The following PDE4D variants were observed in gnomAD, a reference collection of about 807,000 sequenced individuals.
PDE4D encodes 3',5'-cyclic-AMP phosphodiesterase 4D.
A neutral mutation model predicts 87.4 loss-of-function variants in PDE4D; 24 were observed. That is an observed-to-expected ratio of 0.27 (90% CI 0.20 to 0.39). PDE4D has a LOEUF of 0.39. Ranked by LOEUF, PDE4D falls within the 10% of genes least tolerant of loss-of-function variation. PDE4D has a pLI of 1.00. For missense variants in PDE4D, 714 were observed against 1,041.0 expected, an observed-to-expected ratio of 0.69 and a Z score of 4.32; for synonymous variants, 384 against 383.2, an observed-to-expected ratio of 1.00 and a Z score of -0.02.
chr5:58,990,891 A>C lies in PDE4D; in HGVS notation c.1200T>G (p.Asp400Glu), dbSNP rs769291366. ...QEDVLAKELE[D>E]VNKWGLHVFR... is the part of the protein sequence containing the mutation. Reference sequence around the variant, plus strand: ...AAACATGAAGACCCCATTTGTTCACATCTTCTAGTTCCTGGAGTGAAAAAA... The same window carrying C: ...AAACATGAAGACCCCATTTGTTCACCTCTTCTAGTTCCTGGAGTGAAAAAA... The change falls in exon 9 of 15, where the codon GAT (aspartate) becomes GAG (glutamate). Residue 400 changes from aspartate (D) to glutamate (E), a missense_variant. Coordinates refer to ENST00000340635, the MANE Select transcript of PDE4D (RefSeq NM_001104631.2). The C allele has an allele frequency of 6.3e-7, 1 of 1,582,144 alleles. No homozygotes were observed. The highest frequency in any genetic ancestry group is 8.6e-7 in the Non-Finnish European group (1 of 1,157,708).
intron 1 of PDE4D, among the ~76,000 whole-genome samples, chr5:59,725,108 C>A (rs1185203213): frequency 6.6e-6 from 1 of 152,024 alleles, no homozygotes; most frequent in African/African-American, 2.4e-5. Flanking sequence ...CATTCCCCAC[C>A]ATCTCCATTG....
intron 2 of PDE4D, among the ~76,000 whole-genome samples, chr5:60,077,915 C>T (rs1773494902): frequency 6.6e-6 from 1 of 152,146 alleles, no homozygotes; most frequent in Admixed American, 6.5e-5. Flanking sequence ...GGAACCGGTC[C>T]TGGTGTGCAC....
In PDE4D at chr5:59,703,318, A is replaced by C. The variant is rs553353267; in HGVS notation, c.455+189850T>G. Among the ~76,000 whole-genome samples, 6 of 152,294 alleles carry C rather than the reference A, an allele frequency of 3.9e-5. No homozygotes were observed. In the South Asian group the frequency reaches 1.0e-3, roughly 26 times the overall value. On this transcript the variant is annotated intron_variant, in intron 1 of 14. Transcript: ENST00000340635. The stretch of plus-strand genomic sequence containing the variant: ...ACTTCAGCCTTGAGGTACAACTATC[A>C]ATAAAAGAAACAGGTCTTATTTTTA...
intron 1 of PDE4D, among the ~76,000 whole-genome samples, chr5:59,300,843 G>A (rs570558024): frequency 5.3e-5 from 8 of 152,068 alleles, no homozygotes; most frequent in African/African-American, 1.7e-4. Flanking sequence ...GCTTCTAACC[G>A]GCCACCTCCA....
At chr5:59,562,924 C>T (rs1291579011) in intron 1 of PDE4D, among the ~76,000 whole-genome samples, 1 of 152,124 alleles carries the variant, frequency 6.6e-6, no homozygotes, top group Admixed American at 6.6e-5. Context: ...CCTGGCTTAA[C>T]CATTCTGTAA....
At chr5:60,028,519 A>G (rs1056913967) in intron 2 of PDE4D, among the ~76,000 whole-genome samples, 1 of 151,986 alleles carries the variant, frequency 6.6e-6, no homozygotes, top group African/African-American at 2.4e-5. Context: ...CAACATATCC[A>G]CCAATAAATC....
chr5:60,013,126 G>C (rs943294549), intron 2 of PDE4D, among the ~76,000 whole-genome samples: 2 of 151,980 alleles, frequency 1.3e-5, no homozygotes, highest in Non-Finnish European at 2.9e-5. Context: ...CCCTGACTCC[G>C]CTTTTTTGGA....
chr5:59,745,378 T>C (rs566812939), intron 1 of PDE4D, among the ~76,000 whole-genome samples: 26 of 152,328 alleles, frequency 1.7e-4, no homozygotes, highest in African/African-American at 6.3e-4. Flanking sequence ...TCTCTTCAAA[T>C]TGACGCTATG....
At chr5:59,712,643 T>A (rs1754381244) in intron 1 of PDE4D, among the ~76,000 whole-genome samples, 1 of 150,202 alleles carries the variant, frequency 6.7e-6, no homozygotes, top group African/African-American at 2.4e-5. Context: ...AAAAATATAA[T>A]AATTATAATA....
chr5:59,027,675 T>TA (rs1756491731), intron 6 of PDE4D, among the ~76,000 whole-genome samples: 1 of 152,206 alleles, frequency 6.6e-6, no homozygotes, highest in African/African-American at 2.4e-5. Flanking sequence ...CTCTTCAGTA[T>TA]ATTCCCACGG....
intron 1 of PDE4D, among the ~76,000 whole-genome samples, chr5:60,434,189 T>G (rs980994826): frequency 6.6e-6 from 1 of 152,204 alleles, no homozygotes; most frequent in Admixed American, 6.5e-5. Context: ...GGATTTGCTA[T>G]GCAGACAAGA....
chr5:60,290,712 G>T (rs1752817578), intron 1 of PDE4D, among the ~76,000 whole-genome samples: 1 of 152,116 alleles, frequency 6.6e-6, no homozygotes, highest in South Asian at 2.1e-4. Context: ...GGCTGAGGTG[G>T]GAGAATCACC....
rs10805513 is a variant in PDE4D, at chr5:59,232,669, G to T, written c.456-16701C>A. Among the ~76,000 whole-genome samples, 5,783 of 152,066 alleles carry T rather than the reference G, an allele frequency of 0.038. 843 individuals carry two copies. The East Asian group carries it at 0.52, about 14-fold the overall frequency. ...TACAATCCAGCAATCCCCCTACTGG[G>T]TGTTTATCTAAAGGAAAGGAAAGGA... On this transcript the variant is annotated intron_variant, in intron 1 of 14. Coordinates refer to ENST00000340635, the MANE Select transcript of PDE4D (RefSeq NM_001104631.2).
chr5:60,236,197 C>G (rs551510764), intron 1 of PDE4D, among the ~76,000 whole-genome samples: 31 of 151,848 alleles, frequency 2.0e-4, no homozygotes, highest in Non-Finnish European at 4.1e-4. Context: ...AGTTCTTATA[C>G]AGAATGACAA....
At chr5:60,188,857 C>T (rs1290454834) in intron 1 of PDE4D, among the ~76,000 whole-genome samples, 1 of 152,194 alleles carries the variant, frequency 6.6e-6, no homozygotes. Context: ...TTTTTGTCTA[C>T]TCTTCCATAG....
intron 1 of PDE4D, among the ~76,000 whole-genome samples, chr5:59,757,087 C>T (rs79927137): frequency 0.019 from 2,961 of 152,158 alleles, 34 homozygotes; most frequent in Non-Finnish European, 0.03. Flanking sequence ...CATGAACTAC[C>T]GCACCCGGCC....
At chr5:59,215,611 C>T in intron 2 of PDE4D, 166 bp downstream of exon 2, 1 of 592,670 alleles carries the variant, frequency 1.7e-6, no homozygotes, top group Non-Finnish European at 3.0e-6. Context: ...ACAGTGCACT[C>T]AGGTTAAATC....
intron 1 of PDE4D, among the ~76,000 whole-genome samples, chr5:59,614,356 T>C (rs1263590215): frequency 6.6e-6 from 1 of 152,254 alleles, no homozygotes. Context: ...ATTCAAGCTT[T>C]GTATTATCAT....
chr5:60,242,736 G>A (rs1317492086), intron 1 of PDE4D, among the ~76,000 whole-genome samples: 1 of 151,906 alleles, frequency 6.6e-6, no homozygotes, highest in Admixed American at 6.6e-5. Flanking sequence ...AATGACCAAC[G>A]GGTCATGAAG....
Sources: allele counts gnomAD v4.1 joint callset (sites outside exome capture counted in the v4.1 genomes callset), GRCh38; gene constraint gnomAD v4.1.1; transcripts MANE v1.5; gene names NCBI Gene and HGNC (gene_info 2026-07-23, HGNC 2026-07-21).